The following GRM1 variants were observed in gnomAD, a reference collection of about 807,000 sequenced individuals.
GRM1 encodes the protein glutamate metabotropic receptor 1.
A neutral mutation model predicts 90.9 loss-of-function variants in GRM1; 33 were observed. The ratio of observed to expected loss-of-function variants is 0.36; its 90% CI spans 0.28 to 0.49. The LOEUF (loss-of-function observed/expected upper bound fraction) is 0.49, where lower values mean the gene tolerates loss of function less well. Ranked by LOEUF, GRM1 falls within the 20% of genes least tolerant of loss-of-function variation. The pLI, the probability that GRM1 is intolerant of heterozygous loss-of-function variation, is 0.99. For synonymous variants in GRM1, 700 were observed against 613.2 expected (o/e 1.14, Z -2.09); for missense variants, 1,190 against 1,534.3 (o/e 0.78, Z 3.75).
intron 3 of GRM1, among the ~76,000 whole-genome samples, chr6:146,313,646 A>C (rs1783850624): frequency 6.6e-6 from 1 of 152,182 alleles, no homozygotes; most frequent in African/African-American, 2.4e-5. Flanking sequence ...GGTGTGACCC[A>C]TTATACTTGG....
intron 2 of GRM1, among the ~76,000 whole-genome samples, chr6:146,299,507 C>T (rs1783299266): frequency 6.6e-6 from 1 of 152,136 alleles, no homozygotes; most frequent in African/African-American, 2.4e-5. Flanking sequence ...AATTTTTCTT[C>T]ACTATTGAGG....
intron 3 of GRM1, among the ~76,000 whole-genome samples, chr6:146,326,948 A>C (rs1335997660): frequency 6.6e-6 from 1 of 152,190 alleles, no homozygotes; most frequent in African/African-American, 2.4e-5. Context: ...ATTTTCTTTA[A>C]ATAAACTTTT....
chr6:146,064,776 G>A (rs1266440927), intron 1 of GRM1, among the ~76,000 whole-genome samples: 2 of 144,970 alleles, frequency 1.4e-5, no homozygotes, highest in African/African-American at 5.1e-5. Context: ...GGGTGACAGA[G>A]TGAGACTCAG....
intron 1 of GRM1, among the ~76,000 whole-genome samples, chr6:146,109,062 C>T (rs910143643): frequency 6.6e-6 from 1 of 152,126 alleles, no homozygotes; most frequent in Non-Finnish European, 1.5e-5. Flanking sequence ...AAATTTGCAG[C>T]CTGACAATGC....
At position 146,360,220 on chromosome 6, in the gene GRM1, A is replaced by T. The variant is rs533610757; in HGVS notation, c.1602+2526A>T. 2.0e-5 allele frequency among the ~76,000 whole-genome samples: 3 copies of T among 152,294 alleles called. No individual in the cohort carries two copies. In the East Asian group the frequency reaches 5.8e-4, roughly 29 times the overall value. ...ATCCATTTAAACTGCTAAAATAATA[A>T]TTTGATGTCTTTTCTGATAACCCAC... is the stretch of plus-strand genomic sequence containing the variant. On this transcript the variant is annotated intron_variant, in intron 5 of 7. Transcript: ENST00000282753.
chr6:146,043,824 C>T (rs925195936), intron 1 of GRM1, among the ~76,000 whole-genome samples: 15 of 95,250 alleles, frequency 1.6e-4, no homozygotes, highest in Middle Eastern at 7.5e-3. Flanking sequence ...GGGAAGTGAC[C>T]TCCTCGTAGG....
At chr6:146,353,641 G>A (rs1043417227) in intron 4 of GRM1, among the ~76,000 whole-genome samples, 14 of 152,144 alleles carry the variant, frequency 9.2e-5, no homozygotes, top group Non-Finnish European at 1.9e-4. Flanking sequence ...TCTTCTTTTC[G>A]GTTTTTGAGA....
chr6:146,353,255 A>G (rs1785468820), intron 4 of GRM1, among the ~76,000 whole-genome samples: 1 of 152,214 alleles, frequency 6.6e-6, no homozygotes, highest in South Asian at 2.1e-4. Flanking sequence ...TAGGAAAGGC[A>G]TAATCAGAAT....
At chr6:146,149,449 C>G (rs962798980) in intron 1 of GRM1, among the ~76,000 whole-genome samples, 1 of 152,128 alleles carries the variant, frequency 6.6e-6, no homozygotes, top group Non-Finnish European at 1.5e-5. Context: ...TGTAGAAAGA[C>G]GTGGAGAATA....
intron 2 of GRM1, among the ~76,000 whole-genome samples, chr6:146,245,366 C>G (rs1406117560): frequency 2.0e-5 from 3 of 152,084 alleles, no homozygotes; most frequent in African/African-American, 4.8e-5. Context: ...TTATACCAGG[C>G]AAAACATTAG....
intron 7 of GRM1, among the ~76,000 whole-genome samples, chr6:146,411,848 CAG>C (rs1452694889): frequency 6.6e-6 from 1 of 152,074 alleles, no homozygotes; most frequent in Non-Finnish European, 1.5e-5. Flanking sequence ...GAACTATCAC[CAG>C]AATAAATGTA....
chr6:146,187,493 G>A (rs1054672937), intron 2 of GRM1, among the ~76,000 whole-genome samples: 2 of 151,882 alleles, frequency 1.3e-5, no homozygotes, highest in Non-Finnish European at 2.9e-5. Context: ...ATGCATTAAG[G>A]CACATTTATA....
intron 1 of GRM1, among the ~76,000 whole-genome samples, chr6:146,088,228 A>G (rs994634319): frequency 3.9e-5 from 6 of 152,048 alleles, no homozygotes; most frequent in Non-Finnish European, 1.5e-5. Context: ...TTTTATGTGT[A>G]TATTCTTTCA....
chr6:146,194,957 C>T (rs1779063781), intron 2 of GRM1, among the ~76,000 whole-genome samples: 1 of 152,152 alleles, frequency 6.6e-6, no homozygotes, highest in Non-Finnish European at 1.5e-5. Context: ...TGGTTTATTA[C>T]ATCATTGTTG....
At chr6:146,304,879 G>A (rs1783520322) in intron 3 of GRM1, 33 bp downstream of exon 3, 1 of 1,410,956 alleles carries the variant, frequency 7.1e-7, no homozygotes, top group Non-Finnish European at 1.0e-6. Context: ...CAACTCAGAG[G>A]TTTGGTCATC....
chr6:146,428,697 C>G (rs117381470), intron 7 of GRM1, among the ~76,000 whole-genome samples: 2,575 of 152,284 alleles, frequency 0.017, 40 homozygotes, highest in Non-Finnish European at 0.021. Context: ...TGTTATACCT[C>G]TGCTAAAGCA....
At chr6:146,285,406 T>C (rs962546684) in intron 2 of GRM1, among the ~76,000 whole-genome samples, 1 of 152,184 alleles carries the variant, frequency 6.6e-6, no homozygotes, top group African/African-American at 2.4e-5. Flanking sequence ...TGTCTCAGAG[T>C]GACAAACACC....
At chr6:146,367,015 A>G (rs192273498) in intron 5 of GRM1, among the ~76,000 whole-genome samples, 8 of 152,018 alleles carry the variant, frequency 5.3e-5, no homozygotes, top group Non-Finnish European at 1.0e-4. Flanking sequence ...ATTTTCCTCT[A>G]GCAGTTTCAT....
At chr6:146,385,044 G>C (rs904801901) in intron 5 of GRM1, among the ~76,000 whole-genome samples, 2 of 152,050 alleles carry the variant, frequency 1.3e-5, no homozygotes, top group Non-Finnish European at 2.9e-5. Context: ...TGCAACTGAA[G>C]CTTCAAAAGG....
Sources: allele counts gnomAD v4.1 joint callset (sites outside exome capture counted in the v4.1 genomes callset), GRCh38; gene constraint gnomAD v4.1.1; transcripts MANE v1.5; gene names NCBI Gene and HGNC (gene_info 2026-07-23, HGNC 2026-07-21).